Variants in RYR3 observed in about 807,000 individuals in gnomAD.
RYR3 encodes the protein ryanodine receptor 3.
Under a neutral mutation model 584.3 loss-of-function variants are expected in RYR3, and 207 were observed. The observed-to-expected ratio is 0.35, with a 90% CI of 0.32 to 0.40. The LOEUF is 0.40. Among genes scored for constraint, RYR3 ranks in the 10% least tolerant of loss-of-function variants. The pLI is 1.00. For synonymous variants in RYR3, 2,416 were observed against 2,248.5 expected, an observed-to-expected ratio of 1.07 and a Z score of -2.11; for missense variants, 5,616 against 6,089.2, an observed-to-expected ratio of 0.92 and a Z score of 2.59.
chr15:33,708,801 C>T (rs1884897216), intron 43 of RYR3, among the ~76,000 whole-genome samples: 1 of 152,168 alleles, frequency 6.6e-6, no homozygotes, highest in Non-Finnish European at 1.5e-5. Context: ...CACACTTGGA[C>T]AAAGGAGGGG....
intron 38 of RYR3, among the ~76,000 whole-genome samples, chr15:33,688,999 G>C (rs12437827): frequency 6.6e-6 from 1 of 151,942 alleles, no homozygotes; most frequent in Non-Finnish European, 1.5e-5. Context: ...TGATAGACTA[G>C]ATTAAGAAAA....
Position 33,669,571 on chromosome 15 carries a change from A to G in RYR3, c.5722+115A>G, listed in dbSNP as rs74896720. The G allele has an allele frequency of 8.3e-4, 690 of 834,224 alleles. 2 individuals carry two copies. The African/African-American group carries it at 0.011, about 13-fold the overall frequency. 51.7% of individuals were successfully genotyped at this position (834,224 alleles called of 1,614,324 possible). On this transcript the variant is annotated intron_variant, in intron 37 of 103. Transcript: ENST00000634891. Reference sequence around the variant, plus strand: ...AGTTATTTTTGTATTTAAAATTGCAATACTGTCTTTCAAGACGTGACTATC... The same window carrying G: ...AGTTATTTTTGTATTTAAAATTGCAGTACTGTCTTTCAAGACGTGACTATC...
chr15:33,579,195 A>G (rs1473852036), intron 12 of RYR3, among the ~76,000 whole-genome samples: 1 of 152,146 alleles, frequency 6.6e-6, no homozygotes, highest in Non-Finnish European at 1.5e-5. Context: ...CTGAGAAAGG[A>G]GGGTGATATT....
chr15:33,468,847 A>G (rs1407383952), intron 1 of RYR3, among the ~76,000 whole-genome samples: 1 of 152,232 alleles, frequency 6.6e-6, no homozygotes, highest in Non-Finnish European at 1.5e-5. Context: ...AGTGGTAGCA[A>G]GTGCATCAAT....
chr15:33,609,358 C>T (rs2060058229), intron 18 of RYR3, among the ~76,000 whole-genome samples: 1 of 151,984 alleles, frequency 6.6e-6, no homozygotes, highest in South Asian at 2.1e-4. Flanking sequence ...CAGTTGAGGC[C>T]AGGAGTTCAA....
At chr15:33,855,639 GATATCTGCATCCAATTAAGAGC>G in intron 98 of RYR3, among the ~76,000 whole-genome samples, 1 of 16,414 alleles carries the variant, frequency 6.1e-5, no homozygotes, top group South Asian at 3.8e-3. Context: ...CAATATTTCT[GATATCTGCATCCAATTAAGAGC>G]CAATGATTTC....
chr15:33,379,687 C>CTCTCTATATATATATATA, intron 1 of RYR3, among the ~76,000 whole-genome samples: 2 of 125,502 alleles, frequency 1.6e-5, no homozygotes, highest in African/African-American at 7.1e-5. Context: ...CTCTCTCTCT[C>CTCTCTATATATATATATA]TATATATATA....
intron 48 of RYR3, among the ~76,000 whole-genome samples, chr15:33,734,377 C>T (rs2069223857): frequency 6.6e-6 from 1 of 152,106 alleles, no homozygotes; most frequent in African/African-American, 2.4e-5. Context: ...GATTAATGCC[C>T]CATTATTTGT....
rs1321109689 is a variant in RYR3 at position 33,725,200 on chromosome 15, CACAT to C, written c.6912+1026_6912+1029del. Among the ~76,000 whole-genome samples, 68 of 122,438 alleles carry C rather than the reference CACAT, an allele frequency of 5.6e-4. 1 individual carries two copies. The highest frequency in any genetic ancestry group is 1.4e-3 in the Admixed American group (19 of 13,310). The allele number at this position is 122,438 out of a possible 152,430, so 80.3% of individuals were successfully genotyped here. On this transcript the variant is annotated intron_variant, in intron 45 of 103. Coordinates refer to ENST00000634891, the MANE Select transcript of RYR3 (RefSeq NM_001036.6). The stretch of plus-strand genomic sequence containing the variant: ...ACACACACACACACACACACACACA[CACAT>C]ATATACATCCCTTCTTAGGACCCCT...
At chr15:33,692,082 G>C (rs561851901) in intron 38 of RYR3, among the ~76,000 whole-genome samples, 2 of 152,206 alleles carry the variant, frequency 1.3e-5, no homozygotes, top group Non-Finnish European at 2.9e-5. Flanking sequence ...TAAACCTGCA[G>C]TATGTGCCAT....
intron 12 of RYR3, among the ~76,000 whole-genome samples, chr15:33,571,233 C>A (rs1320164615): frequency 6.6e-6 from 1 of 152,072 alleles, no homozygotes; most frequent in Non-Finnish European, 1.5e-5. Context: ...TTGTAGATAC[C>A]CTTTATCAGG....
At chr15:33,695,688 A>C (rs1473313342) in intron 38 of RYR3, among the ~76,000 whole-genome samples, 2 of 152,154 alleles carry the variant, frequency 1.3e-5, no homozygotes, top group African/African-American at 4.8e-5. Flanking sequence ...CTCAACTCAT[A>C]ATTGGGATAT....
At position 33,845,002 on chromosome 15, in the gene RYR3, C is replaced by A; in HGVS notation, c.13437C>A (p.Ala4479=). The A allele has an allele frequency of 6.2e-7, 1 of 1,613,978 alleles. No homozygotes were observed. The highest frequency in any genetic ancestry group is 8.5e-7 in the Non-Finnish European group (1 of 1,179,892). The change falls in exon 93 of 104, where the codon GCC becomes GCA. Residue 4479 remains alanine (A), a synonymous_variant. Coordinates refer to ENST00000634891, the MANE Select transcript of RYR3 (RefSeq NM_001036.6). The part of the protein sequence containing the change: ...STGYMAPTLR[A]LAIIHTIISL... ...GGTATATGGCACCAACCCTGCGTGC[C>A]CTGGCCATCATCCATACCATCATCT... is the stretch of plus-strand genomic sequence containing the variant.
At chr15:33,708,742 G>A (rs990154813) in intron 43 of RYR3, among the ~76,000 whole-genome samples, 2 of 152,190 alleles carry the variant, frequency 1.3e-5, no homozygotes, top group African/African-American at 2.4e-5. Context: ...AGCAAGGCAA[G>A]GTACTTCTTT....
chr15:33,836,208 G>A (rs1257476939), intron 87 of RYR3, among the ~76,000 whole-genome samples: 1 of 149,502 alleles, frequency 6.7e-6, no homozygotes, highest in African/African-American at 2.5e-5. Flanking sequence ...GTGAGGGGGG[G>A]GTCTGTAAAA....
chr15:33,608,610 C>T (rs756728186), intron 18 of RYR3, among the ~76,000 whole-genome samples: 1 of 152,226 alleles, frequency 6.6e-6, no homozygotes, highest in Non-Finnish European at 1.5e-5. Flanking sequence ...GCTCTAAGCA[C>T]TTGCTAAGTA....
At chr15:33,418,231 T>G (rs947273831) in intron 1 of RYR3, among the ~76,000 whole-genome samples, 28 of 152,158 alleles carry the variant, frequency 1.8e-4, no homozygotes, top group African/African-American at 5.5e-4. Context: ...CTCGATTTTT[T>G]GGAATAGTTT....
intron 1 of RYR3, among the ~76,000 whole-genome samples, chr15:33,435,570 G>T (rs1443430826): frequency 6.6e-6 from 1 of 152,114 alleles, no homozygotes; most frequent in African/African-American, 2.4e-5. Context: ...GGGTCAAATG[G>T]GCTATATGCC....
At chr15:33,693,397 G>A (rs572186398) in intron 38 of RYR3, among the ~76,000 whole-genome samples, 2 of 152,188 alleles carry the variant, frequency 1.3e-5, no homozygotes, top group Non-Finnish European at 2.9e-5. Flanking sequence ...TGGCCTCCTG[G>A]GGCCTCCTAG....
Sources: gnomAD v4.1 joint callset for allele counts (sites outside exome capture counted in the v4.1 genomes callset) on GRCh38, gnomAD v4.1.1 for gene constraint, MANE v1.5 for transcripts, NCBI Gene and HGNC (gene_info 2026-07-23, HGNC 2026-07-21) for gene names.